Variants in KDM6A observed in about 807,000 individuals in gnomAD.
KDM6A encodes lysine demethylase 6A.
In KDM6A, 11 loss-of-function variants were observed where a neutral mutation model predicts 117.6. That is an observed-to-expected ratio of 0.09 (90% CI 0.06 to 0.15). The LOEUF is 0.15. KDM6A is among the 10% of genes least tolerant of loss of function. KDM6A has a pLI of 1.00. For missense variants in KDM6A, 799 were observed against 1,077.3 expected, an observed-to-expected ratio of 0.74 and a Z score of 3.62; for synonymous variants, 384 against 396.1, an observed-to-expected ratio of 0.97 and a Z score of 0.36.
At chrX:44,989,870 T>TA (rs2040476254) in intron 4 of KDM6A, among the ~76,000 whole-genome samples, 1 of 111,916 alleles carries the variant, frequency 8.9e-6, no homozygotes, top group African/African-American at 3.3e-5. Context: ...GACTTTTTCT[T>TA]ACAGGGCAAA....
chrX:44,884,471 A>G (rs979976590), intron 2 of KDM6A, among the ~76,000 whole-genome samples: 11 of 111,858 alleles, frequency 9.8e-5, no homozygotes, highest in Non-Finnish European at 1.7e-4. Context: ...TTGGGCAAGC[A>G]AGCATCTTTC....
At chrX:45,105,300 A>G (rs1000542454) in intron 27 of KDM6A, among the ~76,000 whole-genome samples, 2 of 112,215 alleles carry the variant, frequency 1.8e-5, no homozygotes, top group African/African-American at 6.5e-5. Flanking sequence ...AGATAGAGAT[A>G]ACCTTTCTCC....
chrX:45,005,910 T>C (rs1322810257), intron 4 of KDM6A, among the ~76,000 whole-genome samples: 1 of 102,897 alleles, frequency 9.7e-6, no homozygotes, highest in Non-Finnish European at 2.0e-5. Context: ...GTCTCACCTC[T>C]TTTTAACCTG....
In KDM6A at chrX:44,879,619, T is replaced by C. The variant is rs1004219658; in HGVS notation, c.225+5632T>C. Among the ~76,000 whole-genome samples the C allele has an allele frequency of 3.6e-5, 4 of 112,332 alleles. No individual in the cohort carries two copies. In the Admixed American group the frequency reaches 3.8e-4, roughly 11 times the overall value. Reference sequence around the variant, plus strand: ...AGATAGTATGAAGATAGCATAGATATTTCTTGCCCGTGTTGAACTTAAATT... The same window carrying C: ...AGATAGTATGAAGATAGCATAGATACTTCTTGCCCGTGTTGAACTTAAATT... On this transcript the variant is annotated intron_variant, in intron 2 of 29. Coordinates refer to ENST00000611820, the MANE Select transcript of KDM6A (RefSeq NM_001291415.2).
intron 2 of KDM6A, among the ~76,000 whole-genome samples, chrX:44,934,165 A>G (rs1369953510): frequency 3.6e-5 from 4 of 112,076 alleles, no homozygotes; most frequent in African/African-American, 1.3e-4. Flanking sequence ...GAAATATATA[A>G]TCTATCAGTT....
intron 2 of KDM6A, among the ~76,000 whole-genome samples, chrX:44,960,220 A>G (rs747489161): frequency 2.7e-5 from 3 of 111,402 alleles, no homozygotes; most frequent in Non-Finnish European, 3.8e-5. Flanking sequence ...GTGGATACCA[A>G]ACTTGCAAGT....
chrX:45,005,929 C>T (rs889557076), intron 4 of KDM6A, among the ~76,000 whole-genome samples: 1 of 99,816 alleles, frequency 1.0e-5, no homozygotes, highest in East Asian at 3.4e-4. Context: ...TGTAAGCCAC[C>T]CCAACCAAGG....
At chrX:44,994,396 C>T (rs2040765855) in intron 4 of KDM6A, among the ~76,000 whole-genome samples, 2 of 111,736 alleles carry the variant, frequency 1.8e-5, no homozygotes, top group Non-Finnish European at 1.9e-5. Context: ...TTGCTTAACA[C>T]AAGGTCCTCC....
At chrX:45,010,475 C>T (rs979525016) in intron 4 of KDM6A, among the ~76,000 whole-genome samples, 24 of 111,609 alleles carry the variant, frequency 2.2e-4, no homozygotes, top group South Asian at 3.8e-4. Flanking sequence ...ATATTTAAAG[C>T]ACAAGATGTT....
chrX:44,975,589 A>G (rs1197318589), intron 4 of KDM6A, among the ~76,000 whole-genome samples: 1 of 111,946 alleles, frequency 8.9e-6, no homozygotes, highest in Non-Finnish European at 1.9e-5. Context: ...CTATAAAATT[A>G]TAGCTTAATT....
At position 44,882,853 on chromosome X, in the gene KDM6A, A is replaced by G. The variant is rs762011830; in HGVS notation, c.225+8866A>G. Among the ~76,000 whole-genome samples, 172 of 111,527 alleles carry G rather than the reference A, an allele frequency of 1.5e-3. 1 individual carries two copies. Among genetic ancestry groups the G allele is most frequent in the Middle Eastern group, 4.6e-3 (1 of 218 alleles). ...AAGACCTGGCCTCTGTCCTGCAGTC[A>G]GTCTGTTGGGAGAGGCTGACAGACT... is the stretch of plus-strand genomic sequence containing the variant. On this transcript the variant is annotated intron_variant, in intron 2 of 29. Transcript: ENST00000611820.
At chrX:45,014,611 C>CT (rs1490191108) in intron 5 of KDM6A, among the ~76,000 whole-genome samples, 1 of 111,954 alleles carries the variant, frequency 8.9e-6, no homozygotes, top group Non-Finnish European at 1.9e-5. Context: ...TGGCTCTTTG[C>CT]TAGGGGATAC....
chrX:44,947,524 C>T (rs751136513), intron 2 of KDM6A, among the ~76,000 whole-genome samples: 26 of 109,376 alleles, frequency 2.4e-4, no homozygotes, highest in African/African-American at 8.7e-4. Context: ...TACAGGCGCC[C>T]GCCACCACGC....
chrX:44,873,703 G>T lies in KDM6A; in HGVS notation c.152G>T (p.Gly51Val), dbSNP rs1352040501. ...GCCGAGGAGAGGGAGGCGCTCGGCG[G>T]ACTGGACAGGTACGGGCCGCCGTCA... is the stretch of plus-strand genomic sequence containing the variant. ...LTAEEREALG[G>V]LDSRLFGFVR... Residue 51 changes from glycine to valine, a missense_variant, in exon 1 of 30, where the codon GGA (glycine) becomes GTA (valine). Around this residue, in one of 8 missense-constraint regions of KDM6A, gnomAD observed 89 missense variants for 117.8 expected, o/e 0.76. Transcript: ENST00000611820. 1.7e-6 allele frequency: 2 copies of T among 1,171,178 alleles called. No homozygotes were observed. Among genetic ancestry groups the T allele is most frequent in the East Asian group, 6.4e-5 (2 of 31,139 alleles).
chrX:44,883,361 G>A (rs757019193), intron 2 of KDM6A, among the ~76,000 whole-genome samples: 1 of 110,038 alleles, frequency 9.1e-6, no homozygotes, highest in Non-Finnish European at 1.9e-5. Context: ...GTGAGCCACT[G>A]TGCTGGCTGG....
At chrX:45,003,491 C>T (rs866753508) in intron 4 of KDM6A, among the ~76,000 whole-genome samples, 1 of 104,110 alleles carries the variant, frequency 9.6e-6, no homozygotes, top group South Asian at 4.4e-4. Context: ...GGGCCATCTG[C>T]GGGTTACTGG....
chrX:44,883,802 AAG>A lies in KDM6A; in HGVS notation c.225+9818_225+9819del, dbSNP rs762856023. Among the ~76,000 whole-genome samples, 6 of 111,591 alleles carry A rather than the reference AAG, an allele frequency of 5.4e-5. No individual in the cohort carries two copies. The East Asian group carries it at 1.7e-3, about 32-fold the overall frequency. ...ATGTAGCAAGAGGAAAAAGAGGGTA[AAG>A]AGTTAGAAGTATAAACTGAGCGTGG... On this transcript the variant is annotated intron_variant, in intron 2 of 29. Transcript: ENST00000611820.
At chrX:45,008,257 C>G (rs2041594881) in intron 4 of KDM6A, among the ~76,000 whole-genome samples, 1 of 110,932 alleles carries the variant, frequency 9.0e-6, no homozygotes, top group Admixed American at 9.6e-5. Flanking sequence ...GCCTGTAGTC[C>G]CAGCTGTTCA....
intron 2 of KDM6A, among the ~76,000 whole-genome samples, chrX:44,903,270 T>C (rs971729862): frequency 8.9e-6 from 1 of 112,173 alleles, no homozygotes; most frequent in African/African-American, 3.2e-5. Flanking sequence ...GTTGACTGTT[T>C]TTTCCTTTCA....
Sources: allele counts gnomAD v4.1 joint callset (sites outside exome capture counted in the v4.1 genomes callset), GRCh38; gene constraint gnomAD v4.1.1; regional missense constraint gnomAD v4.1.1; transcripts MANE v1.5; gene names NCBI Gene and HGNC (gene_info 2026-07-23, HGNC 2026-07-21).